LRRC74B: variants seen among roughly 807,000 people sequenced by gnomAD.
The protein encoded by LRRC74B is leucine-rich repeat-containing protein 74B.
In LRRC74B, 30 loss-of-function variants were observed where a neutral mutation model predicts 16.6. The observed-to-expected ratio is 1.80, with a 90% CI of 1.35 to 2.45. The LOEUF is 2.45. Among genes scored for constraint, LRRC74B ranks in the 30% most tolerant of loss-of-function variants. The pLI, the probability that LRRC74B is intolerant of heterozygous loss-of-function variation, is 0.00. For synonymous variants in LRRC74B, 134 were observed against 86.0 expected (o/e 1.56, Z -3.09); for missense variants, 326 against 202.4 (o/e 1.61, Z -3.71).
rs560720849 is a variant in LRRC74B at position 21,060,208 on chromosome 22, T to C, written c.1024-165T>C. Among the ~76,000 whole-genome samples, 3 of 152,088 alleles carry C rather than the reference T, an allele frequency of 2.0e-5. No homozygotes were observed. In the South Asian group the frequency reaches 6.2e-4, roughly 32 times the overall value. The stretch of plus-strand genomic sequence containing the variant: ...CAGCAGGCCTCTAAACATCCCCCAT[T>C]GTCCCCTTCTCTCCTGGATCTTACT... On this transcript the variant is annotated intron_variant, in intron 8 of 8. Coordinates refer to ENST00000442047, the Ensembl canonical transcript of LRRC74B.
At chr22:21,063,662 A>G (rs1301117823), downstream of LRRC74B, 2 of 152,118 alleles carry the variant, frequency 1.3e-5, no homozygotes, top group East Asian at 1.9e-4. Flanking sequence ...ACACAGCGAG[A>G]CCCTGTCTCA....
chr22:21,063,611 T>G (rs903700012), downstream of LRRC74B: 1 of 151,612 alleles, frequency 6.6e-6, no homozygotes, highest in Non-Finnish European at 1.5e-5. Flanking sequence ...AGGTTGAGGC[T>G]GCAGTGAGCT....
intron 4 of LRRC74B, 130 bp from the exon 5 acceptor site, chr22:21,052,119 G>A (rs1239850949): frequency 2.0e-5 from 13 of 653,790 alleles, no homozygotes; most frequent in East Asian, 8.2e-5. Context: ...TAAGGGCACC[G>A]CAGGCCCACA....
downstream of LRRC74B, chr22:21,062,731 A>AAG (rs1930867829): frequency 6.6e-6 from 1 of 151,360 alleles, no homozygotes; most frequent in Admixed American, 6.6e-5. Context: ...AAAAAAAAAA[A>AAG]AAAAGGAAGA....
chr22:21,048,438 A>G (rs1929674677), intron 3 of LRRC74B: 1 of 274,364 alleles, frequency 3.6e-6, no homozygotes, highest in African/African-American at 2.2e-5. Context: ...ATACCTGGGC[A>G]AGCAGCTTAA....
chr22:21,059,759 T>C (rs1299972367), intron 8 of LRRC74B, among the ~76,000 whole-genome samples: 1 of 152,146 alleles, frequency 6.6e-6, no homozygotes, highest in Non-Finnish European at 1.5e-5. Context: ...ACTTGTGTTT[T>C]TGTGAAATGG....
In LRRC74B at chr22:21,048,729, G is replaced by A. The variant is rs1258354508; in HGVS notation, c.416-222G>A. On this transcript the variant is annotated intron_variant, in intron 3 of 8. Coordinates refer to ENST00000442047, the Ensembl canonical transcript of LRRC74B. ...GTCTCTACAGTACCAGGAGGTAGGC[G>A]GTTTTAACCACTTGACACAGAAGCT... is the stretch of plus-strand genomic sequence containing the variant. 2.6e-5 allele frequency: 15 copies of A among 569,668 alleles called. No individual in the cohort carries two copies. The East Asian group carries it at 3.2e-4, about 12-fold the overall frequency. 35.3% of individuals were successfully genotyped at this position (569,668 alleles called of 1,614,324 possible).
At chr22:21,060,674 C>A (rs1052368373), downstream of LRRC74B, 12 of 577,356 alleles carry the variant, frequency 2.1e-5, no homozygotes, top group Non-Finnish European at 3.1e-5. Context: ...TGCTCACACA[C>A]CTGTACCCTC....
In LRRC74B at chr22:21,046,137, AG is replaced by A. The variant is rs772418594; in HGVS notation, c.139+17del. Reference sequence around the variant, plus strand: ...CCTGGAGACGGAAGGTGCTCGGGGGAGGGGGCAGGCCCGACTCCTCCCCTTT... The same window carrying A: ...CCTGGAGACGGAAGGTGCTCGGGGGAGGGGCAGGCCCGACTCCTCCCCTTT... On this transcript the variant is annotated intron_variant, in intron 1 of 8. Transcript: ENST00000442047. The A allele has an allele frequency of 1.1e-4, 76 of 715,862 alleles. 1 individual carries two copies. The South Asian group carries it at 1.1e-3, about 10-fold the overall frequency. 44.3% of individuals were successfully genotyped at this position (715,862 alleles called of 1,614,324 possible). A position where few individuals can be genotyped will look rare whatever the true frequency, so the allele number is the denominator to read the frequency against.
At chr22:21,062,150 G>C (rs528364583), downstream of LRRC74B, 1 of 152,294 alleles carries the variant, frequency 6.6e-6, no homozygotes, top group African/African-American at 2.4e-5. Flanking sequence ...AACATCCGGA[G>C]TATGCAAATC....
chr22:21,050,047 TA>T (rs1929879337), intron 4 of LRRC74B, among the ~76,000 whole-genome samples: 1 of 152,126 alleles, frequency 6.6e-6, no homozygotes, highest in African/African-American at 2.4e-5. Context: ...TTTTATTTTT[TA>T]TTTTTTGAGA....
intron 1 of LRRC74B, among the ~76,000 whole-genome samples, chr22:21,046,476 A>G (rs1929443709): frequency 6.6e-6 from 1 of 152,202 alleles, no homozygotes; most frequent in Non-Finnish European, 1.5e-5. Context: ...TAAAAGACAC[A>G]GCATGCAATT....
At chr22:21,060,342 A>G (rs1222395208) in intron 8 of LRRC74B, 31 bp from the exon 9 acceptor site, 1 of 647,442 alleles carries the variant, frequency 1.5e-6, no homozygotes, top group Non-Finnish European at 2.8e-6. Context: ...GATAGTAACA[A>G]AGTTCATCCT....
chr22:21,048,571 T>G, intron 3 of LRRC74B: 1 of 309,594 alleles, frequency 3.2e-6, no homozygotes, highest in Non-Finnish European at 6.2e-6. Flanking sequence ...GTGACCCATG[T>G]ACGTGCTCCA....
chr22:21,053,272 C>T (rs1174096029), intron 5 of LRRC74B, 88 bp from the exon 6 acceptor site: 3 of 666,208 alleles, frequency 4.5e-6, no homozygotes, highest in Non-Finnish European at 8.3e-6. Flanking sequence ...ATCTTTGCAC[C>T]TCAGGGCTCC....
exon 6 of LRRC74B, chr22:21,053,451 A>C: frequency 1.4e-6 from 1 of 717,198 alleles, no homozygotes; most frequent in Non-Finnish European, 2.6e-6. Flanking sequence ...AAGGCCAACA[A>C]CGTGTTGGAG....
chr22:21,056,746 C>CAGCGTGGCAGAAGCAGAGTTGCAACGGGA, intron 7 of LRRC74B: 1 of 251,892 alleles, frequency 4.0e-6, no homozygotes, highest in East Asian at 1.0e-4. Context: ...CCCAGATACA[C>CAGCGTGGCAGAAGCAGAGTTGCAACGGGA]CTCCCCTCCC....
intron 2 of LRRC74B, 136 bp downstream of exon 2, chr22:21,047,634 T>C (rs1929575950): frequency 3.2e-6 from 2 of 625,352 alleles, no homozygotes; most frequent in South Asian, 3.7e-5. Context: ...CCTCCACATC[T>C]GGGAGACAGA....
chr22:21,061,502 A>AAAAATC, downstream of LRRC74B, among the ~76,000 whole-genome samples: 2 of 152,196 alleles, frequency 1.3e-5, no homozygotes. Flanking sequence ...TTGGGAAGAA[A>AAAAATC]AAAATCACAT....
Sources: gnomAD v4.1 joint callset for allele counts (sites outside exome capture counted in the v4.1 genomes callset) on GRCh38, gnomAD v4.1.1 for gene constraint, MANE v1.5 for transcripts, NCBI Gene and HGNC (gene_info 2026-07-23, HGNC 2026-07-21) for gene names.